The following FCER1A variants were observed in gnomAD, a reference collection of about 807,000 sequenced individuals.
FCER1A encodes Fc epsilon receptor Ia.
Under a neutral mutation model 23.6 loss-of-function variants are expected in FCER1A, and 24 were observed. That is an observed-to-expected ratio of 1.02 (90% confidence interval 0.74 to 1.43). FCER1A has a LOEUF of 1.43. Ranked by LOEUF, FCER1A falls within the 40% of genes most tolerant of loss-of-function variation. The pLI, the probability that FCER1A is intolerant of heterozygous loss-of-function variation, is 0.00. For missense variants in FCER1A, 318 were observed against 294.5 expected (o/e 1.08, Z -0.58); for synonymous variants, 121 against 108.8 (o/e 1.11, Z -0.70).
upstream of FCER1A, among the ~76,000 whole-genome samples, chr1:159,300,362 G>C (rs1013396630): frequency 6.6e-6 from 1 of 152,030 alleles, no homozygotes; most frequent in Non-Finnish European, 1.5e-5. Context: ...CTAGGAAAAA[G>C]GAACCCAAAT....
chr1:159,286,549 G>C (rs981035068), upstream of FCER1A, among the ~76,000 whole-genome samples: 1 of 152,080 alleles, frequency 6.6e-6, no homozygotes, highest in African/African-American at 2.4e-5. Flanking sequence ...AGCCAGGATG[G>C]TCTCGATCTC....
chr1:159,307,684 T>A (rs1652655274), intron 4 of FCER1A, 64 bp from the exon 5 acceptor site: 7 of 1,279,774 alleles, frequency 5.5e-6, no homozygotes, highest in Non-Finnish European at 7.8e-6. Context: ...GATGAAACTC[T>A]GAACCTCATT....
upstream of FCER1A, among the ~76,000 whole-genome samples, chr1:159,286,683 T>C (rs767434519): frequency 6.6e-6 from 1 of 152,222 alleles, no homozygotes; most frequent in Non-Finnish European, 1.5e-5. Flanking sequence ...AATCATGCCA[T>C]TTCTTTTACA....
chr1:159,302,454 C>T lies in FCER1A; in HGVS notation c.55+35C>T, dbSNP rs375289446. 4.7e-5 allele frequency: 70 copies of T among 1,479,730 alleles called. 1 individual carries two copies. In the South Asian group the frequency reaches 4.9e-4, roughly 10 times the overall value. 91.7% of individuals were successfully genotyped at this position (1,479,730 alleles called of 1,614,324 possible). ...GATTCAATTACCCCTCCCAGGGAGG[C>T]CCAAATGAATTTGGGGAGCAGCTGG... On this transcript the variant is annotated intron_variant, in intron 1 of 4. Coordinates refer to ENST00000693622, the MANE Select transcript of FCER1A (RefSeq NM_001387280.1).
rs577775254 is a variant in FCER1A at position 159,297,252 on chromosome 1, G to A, written c.-59-5054G>A. ...GCAGACATGCGTGTGTTGGAGGTGT[G>A]GGTGTGGTTATGTGTGTGATGATGT... On this transcript the variant is annotated intron_variant, in intron 1 of 5. Transcript: ENST00000368115. Among the ~76,000 whole-genome samples, 7 of 152,230 alleles carry A rather than the reference G, an allele frequency of 4.6e-5. No homozygotes were observed. In the East Asian group the frequency reaches 1.2e-3, roughly 25 times the overall value.
chr1:159,299,052 G>C (rs1198307531), upstream of FCER1A, among the ~76,000 whole-genome samples: 1 of 152,142 alleles, frequency 6.6e-6, no homozygotes, highest in Non-Finnish European at 1.5e-5. Flanking sequence ...CCTTTACATA[G>C]CAACTGTGTG....
chr1:159,295,751 C>T (rs1652280548), intron 1 of FCER1A, among the ~76,000 whole-genome samples: 1 of 152,116 alleles, frequency 6.6e-6, no homozygotes, highest in Non-Finnish European at 1.5e-5. Flanking sequence ...GTTTCTCTGG[C>T]CCTTTTTTCT....
At chr1:159,291,838 C>T (rs999323368) in intron 1 of FCER1A, among the ~76,000 whole-genome samples, 1 of 152,126 alleles carries the variant, frequency 6.6e-6, no homozygotes, top group Non-Finnish European at 1.5e-5. Context: ...GCTTTTTACA[C>T]ATATTACTCC....
upstream of FCER1A, among the ~76,000 whole-genome samples, chr1:159,288,209 AC>A (rs1321744489): frequency 9.2e-5 from 14 of 152,198 alleles, no homozygotes; most frequent in African/African-American, 2.9e-4. Flanking sequence ...ACATTCACAT[AC>A]TAAGTTATTT....
chr1:159,302,282 T>G (rs1652450724), upstream of FCER1A: 1 of 944,264 alleles, frequency 1.1e-6, no homozygotes, highest in Admixed American at 1.7e-5. Flanking sequence ...CAGAAAACAT[T>G]TCCTTCTGCT....
intron 3 of FCER1A, 83 bp from the exon 4 acceptor site, chr1:159,305,905 C>A (rs1399894799): frequency 2.4e-6 from 3 of 1,229,410 alleles, no homozygotes; most frequent in Non-Finnish European, 3.5e-6. Context: ...CTGACACATG[C>A]TCTATGCGTG....
chr1:159,300,239 A>C (rs1431793776), upstream of FCER1A, among the ~76,000 whole-genome samples: 1 of 152,124 alleles, frequency 6.6e-6, no homozygotes, highest in Non-Finnish European at 1.5e-5. Context: ...TCCATCTCCC[A>C]TCTAAGTAGG....
Position 159,304,064 on chromosome 1 carries a change from A to G in FCER1A, c.213A>G (p.Ser71=). ...AATGGTTCCACAATGGCAGCCTTTC[A>G]GAAGAGACAAATTCAAGTTTGAATA... ...STKWFHNGSL[S]EETNSSLNIV... Residue 71 remains serine, a synonymous_variant, in exon 3 of 5, where the codon TCA becomes TCG. Transcript: ENST00000693622. 1 of 1,614,208 alleles carries G rather than the reference A, an allele frequency of 6.2e-7. No individual in the cohort carries two copies. The highest frequency in any genetic ancestry group is 8.5e-7 in the Non-Finnish European group (1 of 1,180,024).
At chr1:159,304,609 A>T (rs1223173791) in intron 3 of FCER1A, among the ~76,000 whole-genome samples, 4 of 152,198 alleles carry the variant, frequency 2.6e-5, no homozygotes, top group African/African-American at 7.2e-5. Context: ...TCCGTCTCAA[A>T]AAATAAATAA....
upstream of FCER1A, among the ~76,000 whole-genome samples, chr1:159,300,505 TCTCCAATCCTATC>T (rs1652403532): frequency 6.6e-6 from 1 of 152,144 alleles, no homozygotes; most frequent in Non-Finnish European, 1.5e-5. Flanking sequence ...CTCCTTCTCT[TCTCCAATCCTATC>T]CAACAACTTT....
At position 159,303,996 on chromosome 1, in the gene FCER1A, C is replaced by T. The variant is rs1245966424; in HGVS notation, c.145C>T (p.Leu49Phe). The T allele has an allele frequency of 1.9e-6, 3 of 1,613,158 alleles. No homozygotes were observed. Among genetic ancestry groups the T allele is most frequent in the Admixed American group, 3.3e-5 (2 of 60,012 alleles). ...NRIFKGENVT[L>F]TCNGNNFFEV... ...AATATTTAAAGGAGAGAATGTGACT[C>T]TTACATGTAATGGGAACAATTTCTT... Residue 49 changes from leucine to phenylalanine, a missense_variant, in exon 3 of 5, where the codon CTT (leucine) becomes TTT (phenylalanine). By Grantham distance (22) the Leu-to-Phe change is conservative (BLOSUM62 0). Transcript: ENST00000693622.
chr1:159,305,546 T>G (rs1475492621), intron 3 of FCER1A, among the ~76,000 whole-genome samples: 1 of 152,222 alleles, frequency 6.6e-6, no homozygotes, highest in Non-Finnish European at 1.5e-5. Context: ...TATACATGTT[T>G]TGAAGAAGTT....
upstream of FCER1A, among the ~76,000 whole-genome samples, chr1:159,301,911 A>T (rs1327676359): frequency 6.6e-6 from 1 of 152,222 alleles, no homozygotes; most frequent in African/African-American, 2.4e-5. Context: ...TAGTGATAGT[A>T]TGTACTTTAT....
intron 1 of FCER1A, among the ~76,000 whole-genome samples, chr1:159,296,441 A>G (rs1553234584): frequency 6.6e-6 from 1 of 152,230 alleles, no homozygotes. Flanking sequence ...TATCATGAAC[A>G]GTGTAGCTAC....
Sources: gnomAD v4.1 joint callset for allele counts (sites outside exome capture counted in the v4.1 genomes callset) on GRCh38, gnomAD v4.1.1 for gene constraint, MANE v1.5 for transcripts, NCBI Gene and HGNC (gene_info 2026-07-23, HGNC 2026-07-21) for gene names.